Variants in ADGRB3 observed in about 807,000 individuals in gnomAD.
The protein encoded by ADGRB3 is adhesion G protein-coupled receptor B3.
In ADGRB3, 37 loss-of-function variants were observed where a neutral mutation model predicts 193.4. That is an observed-to-expected ratio of 0.19 (90% CI 0.15 to 0.25). ADGRB3 has a LOEUF of 0.25. Among genes scored for constraint, ADGRB3 ranks in the 10% least tolerant of loss-of-function variants. The pLI, the probability that ADGRB3 is intolerant of heterozygous loss-of-function variation, is 1.00. For synonymous variants in ADGRB3, 690 were observed against 644.2 expected, an observed-to-expected ratio of 1.07 and a Z score of -1.08; for missense variants, 1,637 against 1,852.9, an observed-to-expected ratio of 0.88 and a Z score of 2.14.
chr6:68,884,349 G>T (rs183650984), intron 3 of ADGRB3, among the ~76,000 whole-genome samples: 1 of 152,100 alleles, frequency 6.6e-6, no homozygotes, highest in Non-Finnish European at 1.5e-5. Flanking sequence ...TAGAAACTGT[G>T]ATAAGCGCTG....
At chr6:69,280,013 C>T (rs1561975251) in intron 20 of ADGRB3, among the ~76,000 whole-genome samples, 1 of 152,192 alleles carries the variant, frequency 6.6e-6, no homozygotes, top group Non-Finnish European at 1.5e-5. Context: ...GTCTGCGCTC[C>T]TGTTTTCTGG....
chr6:69,160,506 A>G (rs1049498189), intron 17 of ADGRB3, among the ~76,000 whole-genome samples: 2 of 152,150 alleles, frequency 1.3e-5, no homozygotes, highest in African/African-American at 2.4e-5. Flanking sequence ...CTCAAATGTT[A>G]TCTTTCAGCG....
chr6:68,885,103 G>T (rs1765870825), intron 3 of ADGRB3, among the ~76,000 whole-genome samples: 1 of 152,138 alleles, frequency 6.6e-6, no homozygotes, highest in Admixed American at 6.6e-5. Context: ...AATTAATTGT[G>T]CAGAAAATGA....
intron 17 of ADGRB3, among the ~76,000 whole-genome samples, chr6:69,160,227 T>C (rs767709027): frequency 3.9e-5 from 6 of 152,074 alleles, no homozygotes; most frequent in Non-Finnish European, 7.4e-5. Flanking sequence ...CACCCTTCCA[T>C]GTCTTCCCAT....
chr6:69,035,079 T>C (rs2793458), intron 13 of ADGRB3, among the ~76,000 whole-genome samples: 145,624 of 152,102 alleles, frequency 0.96, 69,994 homozygotes, highest in East Asian at 1. Context: ...ATAATTCCAA[T>C]GATAAACTCA....
chr6:69,301,351 A>G (rs995937884), intron 20 of ADGRB3, among the ~76,000 whole-genome samples: 2 of 151,840 alleles, frequency 1.3e-5, no homozygotes, highest in African/African-American at 4.8e-5. Flanking sequence ...TAACTGTATT[A>G]CCTACTGTGC....
chr6:68,636,443 GATAAATAA>G (rs79779792), intron 1 of ADGRB3, among the ~76,000 whole-genome samples: 27,482 of 145,120 alleles, frequency 0.19, 3,185 homozygotes, highest in East Asian at 0.64. Flanking sequence ...CTCAGCAAGA[GATAAATAA>G]ATAAATAAAT....
intron 17 of ADGRB3, among the ~76,000 whole-genome samples, chr6:69,093,506 G>A (rs1045875914): frequency 1.3e-5 from 2 of 151,796 alleles, no homozygotes; most frequent in African/African-American, 2.4e-5. Flanking sequence ...TAGATAGAGT[G>A]GTTGGGCAGC....
chr6:69,077,913 C>T (rs944991812), intron 17 of ADGRB3, among the ~76,000 whole-genome samples: 4 of 151,910 alleles, frequency 2.6e-5, no homozygotes, highest in Non-Finnish European at 5.9e-5. Context: ...TCACAGTTTT[C>T]GCTAGATTGT....
intron 24 of ADGRB3, among the ~76,000 whole-genome samples, chr6:69,337,275 G>C (rs112374727): frequency 6.6e-6 from 1 of 152,214 alleles, no homozygotes; most frequent in African/African-American, 2.4e-5. Context: ...CTGTGATAAA[G>C]GAAACAATAT....
chr6:69,282,796 T>G (rs898797394), intron 20 of ADGRB3, among the ~76,000 whole-genome samples: 4 of 152,158 alleles, frequency 2.6e-5, no homozygotes, highest in East Asian at 3.8e-4. Context: ...ATGTAAGAAT[T>G]ATAACAAATG....
At chr6:69,165,001 A>G (rs1765580725) in intron 17 of ADGRB3, among the ~76,000 whole-genome samples, 1 of 151,478 alleles carries the variant, frequency 6.6e-6, no homozygotes, top group South Asian at 2.1e-4. Context: ...CCTCCCTCAG[A>G]CCTTTATTCT....
intron 20 of ADGRB3, among the ~76,000 whole-genome samples, chr6:69,247,687 A>G (rs940029512): frequency 2.6e-5 from 4 of 152,198 alleles, no homozygotes; most frequent in Non-Finnish European, 5.9e-5. Flanking sequence ...CTGTATTGTG[A>G]TTCTCAAGGG....
intron 3 of ADGRB3, among the ~76,000 whole-genome samples, chr6:68,753,777 G>A (rs1766247236): frequency 6.6e-6 from 1 of 152,132 alleles, no homozygotes; most frequent in Non-Finnish European, 1.5e-5. Flanking sequence ...AAGCAGCCTG[G>A]TGCTGGTTGG....
At chr6:68,700,667 T>G (rs910133633) in intron 3 of ADGRB3, among the ~76,000 whole-genome samples, 5 of 152,004 alleles carry the variant, frequency 3.3e-5, no homozygotes, top group Non-Finnish European at 5.9e-5. Context: ...TTAGGTCTTT[T>G]TCTTCCTTGT....
intron 17 of ADGRB3, among the ~76,000 whole-genome samples, chr6:69,142,937 A>T (rs1561932581): frequency 6.6e-6 from 1 of 152,090 alleles, no homozygotes; most frequent in African/African-American, 2.4e-5. Flanking sequence ...GAATTGCTGG[A>T]TCATATGGTA....
chr6:69,275,566 T>G (rs1209701258), intron 20 of ADGRB3, among the ~76,000 whole-genome samples: 1 of 151,950 alleles, frequency 6.6e-6, no homozygotes, highest in African/African-American at 2.4e-5. Flanking sequence ...AAAATACATA[T>G]TATATAATCA....
intron 3 of ADGRB3, among the ~76,000 whole-genome samples, chr6:68,843,526 C>T (rs752757277): frequency 5.9e-5 from 9 of 151,792 alleles, no homozygotes; most frequent in Non-Finnish European, 1.2e-4. Flanking sequence ...TGAAGATGAC[C>T]CTAACAAATG....
intron 3 of ADGRB3, among the ~76,000 whole-genome samples, chr6:68,686,562 T>C (rs1375374306): frequency 1.3e-5 from 2 of 152,216 alleles, no homozygotes; most frequent in Admixed American, 1.3e-4. Context: ...CTCTTTTCCA[T>C]AGCTGATCTG....
Sources: gnomAD v4.1 joint callset for allele counts (sites outside exome capture counted in the v4.1 genomes callset) on GRCh38, gnomAD v4.1.1 for gene constraint, MANE v1.5 for transcripts, NCBI Gene and HGNC (gene_info 2026-07-23, HGNC 2026-07-21) for gene names.